CAMKMT: variants seen among roughly 807,000 people sequenced by gnomAD.
CAMKMT encodes CaM KMT.
CAMKMT carries 53 observed loss-of-function variants against 48.0 expected under a neutral mutation model. The ratio of observed to expected loss-of-function variants is 1.10; its 90% CI spans 0.89 to 1.39. The LOEUF is 1.39. CAMKMT is among the 40% of genes most tolerant of loss of function. The pLI is 0.00. For missense variants in CAMKMT, 428 were observed against 402.7 expected (o/e 1.06, Z -0.54); for synonymous variants, 165 against 152.3 (o/e 1.08, Z -0.61).
Position 44,537,144 on chromosome 2 carries a change from A to G in CAMKMT, c.376+146839A>G, listed in dbSNP as rs573660137. Among the ~76,000 whole-genome samples the G allele has an allele frequency of 1.5e-3, 222 of 152,262 alleles. 1 individual carries two copies. Among genetic ancestry groups the G allele is most frequent in the African/African-American group, 4.7e-3 (197 of 41,574 alleles). ...TAAGACCTCCAAAGCATAGACAACAAAAACAAAAATGTACAAATGGGACAA... is the reference window on the plus strand; with the variant it reads ...TAAGACCTCCAAAGCATAGACAACAGAAACAAAAATGTACAAATGGGACAA... On this transcript the variant is annotated intron_variant, in intron 3 of 10. Transcript: ENST00000378494.
intron 3 of CAMKMT, among the ~76,000 whole-genome samples, chr2:44,697,414 G>C (rs991373785): frequency 3.9e-5 from 6 of 152,014 alleles, no homozygotes; most frequent in African/African-American, 1.5e-4. Flanking sequence ...TCCAGACTAA[G>C]GCAGGTTAGA....
intron 3 of CAMKMT, among the ~76,000 whole-genome samples, chr2:44,667,039 C>T (rs916171500): frequency 6.6e-6 from 1 of 152,148 alleles, no homozygotes; most frequent in Non-Finnish European, 1.5e-5. Context: ...AAGATATAGC[C>T]ATACTCATCT....
intron 3 of CAMKMT, among the ~76,000 whole-genome samples, chr2:44,517,085 G>T (rs1266244055): frequency 1.3e-5 from 2 of 152,086 alleles, no homozygotes; most frequent in Non-Finnish European, 1.5e-5. Context: ...AGAATTAAAT[G>T]ATTATTATAT....
rs1677691907 is a variant in CAMKMT at position 44,708,523 on chromosome 2, A to G, written c.556+1061A>G. On this transcript the variant is annotated intron_variant, in intron 6 of 10. Transcript: ENST00000378494. ...TAATTGCCTGACAGACTTAAAAAAA[A>G]TTCAGGAAGGAAAAACAGCCAATCA... is the stretch of plus-strand genomic sequence containing the variant. Among the ~76,000 whole-genome samples, 5 of 152,192 alleles carry G rather than the reference A, an allele frequency of 3.3e-5. No individual in the cohort carries two copies. The South Asian group carries it at 1.0e-3, about 32-fold the overall frequency.
intron 3 of CAMKMT, among the ~76,000 whole-genome samples, chr2:44,459,446 T>C (rs698794): frequency 0.09 from 13,764 of 152,244 alleles, 806 homozygotes; most frequent in East Asian, 0.22. Flanking sequence ...TTTCCCTAGG[T>C]GATGAAATGT....
chr2:44,717,760 C>T (rs1457620524), intron 7 of CAMKMT, among the ~76,000 whole-genome samples: 2 of 150,944 alleles, frequency 1.3e-5, no homozygotes, highest in African/African-American at 4.9e-5. Context: ...CTGAATGTCT[C>T]TTGTGACTTC....
chr2:44,588,003 G>T (rs1227759329), intron 3 of CAMKMT, among the ~76,000 whole-genome samples: 248 of 127,230 alleles, frequency 1.9e-3, no homozygotes, highest in African/African-American at 7.3e-3. Flanking sequence ...GAGCGTCTCT[G>T]CCCGGCCGCC....
intron 7 of CAMKMT, among the ~76,000 whole-genome samples, chr2:44,734,697 C>T (rs1253390015): frequency 6.6e-6 from 1 of 152,156 alleles, no homozygotes; most frequent in Non-Finnish European, 1.5e-5. Flanking sequence ...CAGGGATGAG[C>T]CACCATGCCC....
At chr2:44,740,717 G>C (rs1679631773) in intron 7 of CAMKMT, among the ~76,000 whole-genome samples, 2 of 152,194 alleles carry the variant, frequency 1.3e-5, no homozygotes, top group Admixed American at 1.3e-4. Context: ...CAGGCAGAGA[G>C]CTGGATTTAA....
chr2:44,470,177 A>G (rs923750500), intron 3 of CAMKMT, among the ~76,000 whole-genome samples: 2 of 152,150 alleles, frequency 1.3e-5, no homozygotes, highest in Non-Finnish European at 2.9e-5. Flanking sequence ...GGTTGTGTCA[A>G]TATAGCTTTT....
At chr2:44,367,123 T>C (rs1216492404) in intron 1 of CAMKMT, among the ~76,000 whole-genome samples, 3 of 152,172 alleles carry the variant, frequency 2.0e-5, no homozygotes, top group Non-Finnish European at 4.4e-5. Context: ...GATTCATATA[T>C]AAATATAGGG....
At chr2:44,589,884 AAAAAAAAAAAAG>A (rs1391371970) in intron 3 of CAMKMT, among the ~76,000 whole-genome samples, 6 of 59,018 alleles carry the variant, frequency 1.0e-4, no homozygotes, top group Admixed American at 2.3e-4. Flanking sequence ...AATGATCAAT[AAAAAAAAAAAAG>A]AAAAAAAAAA....
intron 3 of CAMKMT, among the ~76,000 whole-genome samples, chr2:44,689,357 G>A (rs1676513398): frequency 6.6e-6 from 1 of 151,114 alleles, no homozygotes; most frequent in Non-Finnish European, 1.5e-5. Flanking sequence ...GGAGTGCAGT[G>A]GCATGATCTT....
intron 3 of CAMKMT, among the ~76,000 whole-genome samples, chr2:44,421,491 T>C (rs1683933788): frequency 6.6e-6 from 1 of 152,092 alleles, no homozygotes; most frequent in Admixed American, 6.5e-5. Flanking sequence ...AATGTGTCAC[T>C]GAAACACATT....
chr2:44,517,900 T>C (rs1670912996), intron 3 of CAMKMT, among the ~76,000 whole-genome samples: 1 of 152,244 alleles, frequency 6.6e-6, no homozygotes, highest in African/African-American at 2.4e-5. Flanking sequence ...AAGTGAATGA[T>C]GTTTTACACT....
chr2:44,446,224 A>G (rs570859295), intron 3 of CAMKMT, among the ~76,000 whole-genome samples: 3 of 152,208 alleles, frequency 2.0e-5, no homozygotes, highest in South Asian at 2.1e-4. Context: ...CTGGGATTAC[A>G]GGTGTGAGCC....
intron 3 of CAMKMT, among the ~76,000 whole-genome samples, chr2:44,520,432 A>G (rs1671047675): frequency 6.6e-6 from 1 of 152,126 alleles, no homozygotes; most frequent in African/African-American, 2.4e-5. Flanking sequence ...AGCATTTTAA[A>G]TTACTATGCA....
chr2:44,745,661 G>A (rs1207821359), intron 8 of CAMKMT, among the ~76,000 whole-genome samples: 2 of 151,572 alleles, frequency 1.3e-5, no homozygotes, highest in Non-Finnish European at 2.9e-5. Flanking sequence ...TTTCCCCTGG[G>A]TGTTGTAAAT....
chr2:44,480,197 C>T (rs977066716), intron 3 of CAMKMT, among the ~76,000 whole-genome samples: 15 of 152,222 alleles, frequency 9.9e-5, no homozygotes, highest in Middle Eastern at 3.4e-3. Flanking sequence ...ACTGTAGTTT[C>T]TGTTAGGCGA....
Sources: gnomAD v4.1 joint callset for allele counts (sites outside exome capture counted in the v4.1 genomes callset) on GRCh38, gnomAD v4.1.1 for gene constraint, MANE v1.5 for transcripts, NCBI Gene and HGNC (gene_info 2026-07-23, HGNC 2026-07-21) for gene names.